SAXO1: variants seen among roughly 807,000 people sequenced by gnomAD.
The protein encoded by SAXO1 is stabilizer of axonemal microtubules 1, also known as 4930500O09Rik.
Under a neutral mutation model 17.5 loss-of-function variants are expected in SAXO1, and 21 were observed. The ratio of observed to expected loss-of-function variants is 1.20; its 90% CI spans 0.85 to 1.72. The LOEUF is 1.72. Among genes scored for constraint, SAXO1 ranks in the 40% most tolerant of loss-of-function variants. The probability of loss-of-function intolerance (pLI) is 0.00; values close to 1 mark genes in which losing one functional copy is unlikely to be tolerated. For missense variants in SAXO1, 843 were observed against 596.0 expected, an observed-to-expected ratio of 1.41 and a Z score of -4.32; for synonymous variants, 274 against 216.5, an observed-to-expected ratio of 1.27 and a Z score of -2.33.
intron 1 of SAXO1, among the ~76,000 whole-genome samples, chr9:18,991,204 G>C (rs191609104): frequency 6.6e-6 from 1 of 152,150 alleles, no homozygotes; most frequent in South Asian, 2.1e-4. Context: ...GTCATAGTGA[G>C]CCAAGATTGC....
intron 1 of SAXO1, among the ~76,000 whole-genome samples, chr9:18,986,611 A>G (rs750049829): frequency 1.0e-4 from 4 of 39,002 alleles, no homozygotes; most frequent in Non-Finnish European, 3.3e-4. Flanking sequence ...TCCAAAGGAG[A>G]AAAAAAAAAG....
chr9:19,012,633 A>G (rs1012428714), intron 1 of SAXO1, among the ~76,000 whole-genome samples: 1 of 152,220 alleles, frequency 6.6e-6, no homozygotes, highest in Non-Finnish European at 1.5e-5. Context: ...CCCTAATCTC[A>G]GAAGGATACA....
intron 2 of SAXO1, among the ~76,000 whole-genome samples, chr9:18,945,388 T>C (rs1831749328): frequency 1.3e-5 from 2 of 152,356 alleles, no homozygotes; most frequent in Admixed American, 6.5e-5. Flanking sequence ...TCATGATCTT[T>C]TCTCCATGTC....
intron 1 of SAXO1, among the ~76,000 whole-genome samples, chr9:18,997,840 G>C (rs1834072866): frequency 6.6e-6 from 1 of 152,188 alleles, no homozygotes; most frequent in Non-Finnish European, 1.5e-5. Flanking sequence ...TTCTGGAGTG[G>C]ACTTCCAGCA....
intron 1 of SAXO1, among the ~76,000 whole-genome samples, chr9:18,952,966 G>C (rs1034425404): frequency 1.3e-5 from 2 of 152,182 alleles, no homozygotes; most frequent in Non-Finnish European, 2.9e-5. Context: ...TGTTTGCATA[G>C]TAAACCAATG....
At chr9:18,964,790 T>A (rs959290383) in intron 1 of SAXO1, among the ~76,000 whole-genome samples, 6 of 152,240 alleles carry the variant, frequency 3.9e-5, no homozygotes, top group Admixed American at 2.6e-4. Context: ...TTTCTTATCT[T>A]CTGCTAGCTT....
Position 19,038,279 on chromosome 9 carries a change from A to G in SAXO1, c.-158+10930T>C, listed in dbSNP as rs558882617. Among the ~76,000 whole-genome samples, 18 of 152,266 alleles carry G rather than the reference A, an allele frequency of 1.2e-4. No homozygotes were observed. The South Asian group carries it at 3.7e-3, about 32-fold the overall frequency. On this transcript the variant is annotated intron_variant, in intron 1 of 3. Transcript: ENST00000542071. ...TGGGTATATACCCAAAGGACTATAA[A>G]TCATGCTGCTATAAAGACACATGCA...
chr9:18,946,273 T>C (rs151019637), intron 2 of SAXO1, among the ~76,000 whole-genome samples: 1,912 of 86,316 alleles, frequency 0.022, 61 homozygotes, highest in African/African-American at 0.097. Context: ...CAAAACTTCA[T>C]CTCACCAAAA....
rs200904020 is a variant in SAXO1 at position 18,928,121 on chromosome 9, C to T, written c.1356G>A (p.Gln452=). ...CATCTACAGAAAGATGGCTGCTCTG[C>T]TGAGAGCCTGCCTGGGAAACTGGTT... ...IYKPVSQAGS[Q]QSSHLSVDDS... is the part of the protein sequence containing the mutation. Residue 452 remains glutamine (Q), a synonymous_variant, in exon 4 of 4, where the codon CAG becomes CAA. Coordinates refer to ENST00000380534, the MANE Select transcript of SAXO1 (RefSeq NM_153707.4). The T allele has an allele frequency of 1.2e-6, 2 of 1,614,050 alleles. No homozygotes were observed. Among genetic ancestry groups the T allele is most frequent in the African/African-American group, 1.3e-5 (1 of 74,924 alleles).
rs1033358282 is a variant in SAXO1 at position 19,026,367 on chromosome 9, A to G, written c.38+6504T>C. Among the ~76,000 whole-genome samples, 3 of 152,216 alleles carry G rather than the reference A, an allele frequency of 2.0e-5. No homozygotes were observed. The East Asian group carries it at 5.8e-4, about 29-fold the overall frequency. On this transcript the variant is annotated intron_variant, in intron 1 of 3. Transcript: ENST00000380534. Reference sequence around the variant, plus strand: ...ATTGATTGACCTAAATTGTGCCTGAAGCTTAACATGTTCCCATATATTAAA... The same window carrying G: ...ATTGATTGACCTAAATTGTGCCTGAGGCTTAACATGTTCCCATATATTAAA...
chr9:19,027,610 G>T (rs374657395), intron 1 of SAXO1: 15 of 1,434,116 alleles, frequency 1.0e-5, no homozygotes, highest in Admixed American at 1.7e-5. Flanking sequence ...TGGTGCAGAT[G>T]TTCACTGGAG....
At chr9:18,951,655 C>T (rs1032806912) in intron 1 of SAXO1, among the ~76,000 whole-genome samples, 3 of 152,188 alleles carry the variant, frequency 2.0e-5, no homozygotes, top group Non-Finnish European at 4.4e-5. Flanking sequence ...CATATTTTCT[C>T]CCATCACCCT....
chr9:18,943,661 C>G (rs1315530807), intron 2 of SAXO1, among the ~76,000 whole-genome samples: 1 of 152,180 alleles, frequency 6.6e-6, no homozygotes. Context: ...TTCAAGGCAG[C>G]CTGAGACCAC....
upstream of SAXO1, among the ~76,000 whole-genome samples, chr9:19,033,796 AC>A (rs1299579372): frequency 1.3e-5 from 2 of 152,078 alleles, no homozygotes; most frequent in East Asian, 3.9e-4. Flanking sequence ...AGATTGCCAG[AC>A]CCCACCCCCA....
chr9:18,938,173 G>T (rs1196322803), intron 3 of SAXO1, among the ~76,000 whole-genome samples: 1 of 152,182 alleles, frequency 6.6e-6, no homozygotes, highest in African/African-American at 2.4e-5. Flanking sequence ...GGTACCAGAA[G>T]TTTAAGGAAA....
chr9:18,977,628 A>C (rs1833201971), intron 1 of SAXO1, among the ~76,000 whole-genome samples: 1 of 152,166 alleles, frequency 6.6e-6, no homozygotes, highest in Non-Finnish European at 1.5e-5. Context: ...GGGTTCCTTG[A>C]ACTTCAGGGG....
At chr9:19,022,317 C>T (rs1331523155) in intron 1 of SAXO1, among the ~76,000 whole-genome samples, 1 of 152,228 alleles carries the variant, frequency 6.6e-6, no homozygotes, top group East Asian at 1.9e-4. Flanking sequence ...TCTGTAAGAA[C>T]TGTAACATTC....
At chr9:19,044,651 A>G (rs1836161769) in intron 1 of SAXO1, among the ~76,000 whole-genome samples, 1 of 151,728 alleles carries the variant, frequency 6.6e-6, no homozygotes, top group Admixed American at 6.6e-5. Flanking sequence ...TCACAAGGTC[A>G]GAAGATCGAG....
intron 1 of SAXO1, among the ~76,000 whole-genome samples, chr9:19,028,711 T>C (rs186571076): frequency 6.6e-6 from 1 of 152,320 alleles, no homozygotes; most frequent in African/African-American, 2.4e-5. Flanking sequence ...TAGAGCATTG[T>C]TGTGGAGGCA....
Sources: gnomAD v4.1 joint callset for allele counts (sites outside exome capture counted in the v4.1 genomes callset) on GRCh38, gnomAD v4.1.1 for gene constraint, MANE v1.5 for transcripts, NCBI Gene and HGNC (gene_info 2026-07-23, HGNC 2026-07-21) for gene names.